The following RPRD1B variants were observed in gnomAD, a reference collection of about 807,000 sequenced individuals.
RPRD1B encodes regulation of nuclear pre-mRNA domain containing 1B, also known as regulation of nuclear pre-mRNA domain-containing protein 1B.
In RPRD1B, 11 loss-of-function variants were observed where a neutral mutation model predicts 41.5. The observed-to-expected ratio is 0.27, with a 90% CI of 0.17 to 0.44. The LOEUF (loss-of-function observed/expected upper bound fraction) is 0.44. Ranked by LOEUF, RPRD1B falls within the 20% of genes least tolerant of loss-of-function variation. RPRD1B has a pLI of 1.00. For missense variants in RPRD1B, 248 were observed against 389.9 expected (o/e 0.64, Z 3.06); for synonymous variants, 158 against 155.6 (o/e 1.02, Z -0.12).
chr20:38,084,750 G>A lies in RPRD1B; in HGVS notation c.832-4976G>A, dbSNP rs557578127. On this transcript the variant is annotated intron_variant, in intron 6 of 6. Coordinates refer to ENST00000373433, the MANE Select transcript of RPRD1B (RefSeq NM_021215.4). ...AGACACATTTTCTCCTGTAAGTTTA[G>A]AGAGTCTGTGAGGCAAGATTCCAAA... Among the ~76,000 whole-genome samples, 3 of 152,360 alleles carry A rather than the reference G, an allele frequency of 2.0e-5. No individual in the cohort carries two copies. The East Asian group carries it at 5.8e-4, about 29-fold the overall frequency.
intron 6 of RPRD1B, among the ~76,000 whole-genome samples, chr20:38,073,926 C>T (rs1034190051): frequency 6.6e-6 from 1 of 152,214 alleles, no homozygotes; most frequent in African/African-American, 2.4e-5. Flanking sequence ...GCCCCCTCCT[C>T]TCAGTCCTCT....
chr20:38,077,825 A>G (rs1231108894), intron 6 of RPRD1B, among the ~76,000 whole-genome samples: 1 of 152,140 alleles, frequency 6.6e-6, no homozygotes, highest in Non-Finnish European at 1.5e-5. Context: ...AGCTCTGAGC[A>G]TGTCATTCCC....
chr20:38,082,460 C>T (rs919539859), intron 6 of RPRD1B, among the ~76,000 whole-genome samples: 5 of 152,184 alleles, frequency 3.3e-5, no homozygotes, highest in African/African-American at 1.2e-4. Context: ...CATCTCGGCT[C>T]AGTGCAAGCC....
chr20:38,051,977 C>T (rs999803704), intron 3 of RPRD1B, among the ~76,000 whole-genome samples: 1 of 152,130 alleles, frequency 6.6e-6, no homozygotes, highest in Non-Finnish European at 1.5e-5. Context: ...TCCCGAACTC[C>T]CAACCTCAGG....
intron 1 of RPRD1B, among the ~76,000 whole-genome samples, chr20:38,035,890 G>A (rs1362158994): frequency 5.3e-5 from 8 of 151,396 alleles, no homozygotes; most frequent in East Asian, 1.9e-4. Context: ...TCAGCCTCCC[G>A]AGTAGCTGGA....
In RPRD1B at chr20:38,090,763, G is replaced by A. The variant is rs2074605483; in HGVS notation, c.*888G>A. 12 of 985,510 alleles carry A rather than the reference G, an allele frequency of 1.2e-5. No homozygotes were observed. The highest frequency in any genetic ancestry group is 1.3e-5 in the Non-Finnish European group (11 of 829,980). 61.0% of individuals were successfully genotyped at this position (985,510 alleles called of 1,614,324 possible). ...TGTGCTGCATTTGGGATCTGTGTGG[G>A]TGTTTCTTGGACCCTTTCTTCTGGG... On this transcript the variant is annotated 3_prime_UTR_variant, in exon 7 of 7. Coordinates refer to ENST00000373433, the MANE Select transcript of RPRD1B (RefSeq NM_021215.4).
intron 5 of RPRD1B, among the ~76,000 whole-genome samples, chr20:38,061,449 C>T (rs1037657435): frequency 1.3e-5 from 2 of 152,228 alleles, no homozygotes; most frequent in African/African-American, 2.4e-5. Context: ...CTAAACCCGC[C>T]TCTCTGTGTA....
At chr20:38,050,413 G>C (rs1306516873) in intron 3 of RPRD1B, among the ~76,000 whole-genome samples, 1 of 152,174 alleles carries the variant, frequency 6.6e-6, no homozygotes, top group East Asian at 1.9e-4. Flanking sequence ...TGTTTTTATT[G>C]TGTCCTTTGG....
chr20:38,058,240 CT>C (rs1242631199), intron 4 of RPRD1B, among the ~76,000 whole-genome samples: 1 of 151,796 alleles, frequency 6.6e-6, no homozygotes, highest in African/African-American at 2.4e-5. Context: ...AGCCCATGCT[CT>C]TTTCAAGGCG....
At chr20:38,047,404 A>C (rs2074131751) in intron 2 of RPRD1B, among the ~76,000 whole-genome samples, 1 of 152,114 alleles carries the variant, frequency 6.6e-6, no homozygotes, top group Non-Finnish European at 1.5e-5. Flanking sequence ...TCTCAGTTGA[A>C]TTGGCATGGT....
intron 5 of RPRD1B, among the ~76,000 whole-genome samples, chr20:38,062,790 C>G (rs1197852382): frequency 1.3e-5 from 2 of 149,366 alleles, no homozygotes; most frequent in African/African-American, 4.9e-5. Context: ...CCACATAACA[C>G]CCCCACGACT....
intron 6 of RPRD1B, among the ~76,000 whole-genome samples, chr20:38,084,137 C>A (rs2074539320): frequency 6.6e-6 from 1 of 152,086 alleles, no homozygotes; most frequent in Non-Finnish European, 1.5e-5. Flanking sequence ...GATGAGGGGG[C>A]TTGGCGGGTG....
intron 6 of RPRD1B, among the ~76,000 whole-genome samples, chr20:38,078,727 G>A (rs1490662265): frequency 6.6e-6 from 1 of 152,276 alleles, no homozygotes; most frequent in Non-Finnish European, 1.5e-5. Context: ...GATGTTGCTC[G>A]ATGGACTTCT....
intron 6 of RPRD1B, among the ~76,000 whole-genome samples, chr20:38,086,697 T>C (rs953189831): frequency 1.3e-5 from 2 of 152,218 alleles, no homozygotes; most frequent in African/African-American, 4.8e-5. Flanking sequence ...CTTTCTCTAG[T>C]GATTCCTTCC....
chr20:38,059,749 C>T (rs987992989), intron 5 of RPRD1B, among the ~76,000 whole-genome samples: 4 of 152,142 alleles, frequency 2.6e-5, no homozygotes, highest in Non-Finnish European at 5.9e-5. Flanking sequence ...TGCTGGTGTG[C>T]CACAACCTGT....
At chr20:38,040,983 C>T (rs2074060513) in intron 2 of RPRD1B, among the ~76,000 whole-genome samples, 1 of 152,100 alleles carries the variant, frequency 6.6e-6, no homozygotes, top group South Asian at 2.1e-4. Flanking sequence ...TTCTAGATGT[C>T]TAGTTTACTA....
chr20:38,067,094 A>G (rs772554635), intron 6 of RPRD1B, among the ~76,000 whole-genome samples: 8 of 152,178 alleles, frequency 5.3e-5, no homozygotes, highest in Non-Finnish European at 8.8e-5. Context: ...CCTCATTTCT[A>G]CCCTGGGTTG....
intron 6 of RPRD1B, among the ~76,000 whole-genome samples, chr20:38,074,851 C>G (rs2074444061): frequency 6.6e-6 from 1 of 152,186 alleles, no homozygotes; most frequent in African/African-American, 2.4e-5. Context: ...CCAGAGATAA[C>G]TATTTTTAAT....
chr20:38,074,549 A>G (rs969112538), intron 6 of RPRD1B, among the ~76,000 whole-genome samples: 1 of 152,220 alleles, frequency 6.6e-6, no homozygotes. Flanking sequence ...TACCGTTTTC[A>G]TATTTGTAGC....
Sources: allele counts gnomAD v4.1 joint callset (sites outside exome capture counted in the v4.1 genomes callset), GRCh38; gene constraint gnomAD v4.1.1; transcripts MANE v1.5; gene names NCBI Gene and HGNC (gene_info 2026-07-23, HGNC 2026-07-21).